Variants in TMCC1 observed in about 807,000 individuals in gnomAD.
The protein encoded by TMCC1 is transmembrane and coiled-coil domains protein 1.
In TMCC1, 15 loss-of-function variants were observed where a neutral mutation model predicts 52.4. The observed-to-expected ratio is 0.29, with a 90% CI of 0.19 to 0.44. The LOEUF (loss-of-function observed/expected upper bound fraction) is 0.44, where lower values mean the gene tolerates loss of function less well. TMCC1 is among the 20% of genes least tolerant of loss of function. TMCC1 has a pLI of 1.00. For missense variants in TMCC1, 503 were observed against 806.0 expected, an observed-to-expected ratio of 0.62 and a Z score of 4.55; for synonymous variants, 279 against 301.9, an observed-to-expected ratio of 0.92 and a Z score of 0.79.
At position 129,671,269 on chromosome 3, in the gene TMCC1, T is replaced by A; in HGVS notation, c.577-5A>T. On this transcript the variant is annotated splice_region_variant and splice_polypyrimidine_tract_variant and intron_variant, in intron 4 of 6. Coordinates refer to ENST00000393238, the MANE Select transcript of TMCC1 (RefSeq NM_001017395.5). The stretch of plus-strand genomic sequence containing the variant: ...GCTTACTTCCAACCGTTCGATCTAG[T>A]GTAAAAACAAGAGGTACATGTTAGA... The A allele has an allele frequency of 6.2e-7, 1 of 1,600,666 alleles. No homozygotes were observed.
chr3:129,670,544 C>T lies in TMCC1; in HGVS notation c.1297G>A (p.Ala433Thr), dbSNP rs1299232135. The change falls in exon 5 of 7, where the codon GCC (alanine) becomes ACC (threonine). Residue 433 changes from alanine to threonine, a missense_variant. Coordinates refer to ENST00000393238, the MANE Select transcript of TMCC1 (RefSeq NM_001017395.5). The stretch of plus-strand genomic sequence containing the variant: ...GCGATGCCCCCTGTGGTGCTGTTGG[C>T]TCCCACTGAGCCTGAAGTGGCACTA... ...CSSATSGSVG[A>T]NSTTGGIAVG... The T allele has an allele frequency of 6.2e-7, 1 of 1,614,176 alleles. No homozygotes were observed. Among genetic ancestry groups the T allele is most frequent in the Admixed American group, 1.7e-5 (1 of 60,022 alleles).
At chr3:129,681,371 G>A (rs1310437978) in intron 4 of TMCC1, among the ~76,000 whole-genome samples, 1 of 151,934 alleles carries the variant, frequency 6.6e-6, no homozygotes, top group Non-Finnish European at 1.5e-5. Context: ...AATACTCACG[G>A]TTTGAATTTA....
At chr3:129,851,100 G>A (rs1205361983) in intron 2 of TMCC1, among the ~76,000 whole-genome samples, 1 of 152,180 alleles carries the variant, frequency 6.6e-6, no homozygotes, top group Non-Finnish European at 1.5e-5. Context: ...AGATTTTGGG[G>A]GGCCTATTCC....
intron 4 of TMCC1, among the ~76,000 whole-genome samples, chr3:129,713,927 T>C (rs1423280559): frequency 1.3e-5 from 2 of 152,180 alleles, no homozygotes; most frequent in Non-Finnish European, 2.9e-5. Context: ...ATAGCTCTTG[T>C]GTGAGAATCA....
chr3:129,779,002 T>A (rs911555175), intron 4 of TMCC1, among the ~76,000 whole-genome samples: 1 of 152,130 alleles, frequency 6.6e-6, no homozygotes, highest in Non-Finnish European at 1.5e-5. Flanking sequence ...TTGTTTTTTT[T>A]TGTGGATCTT....
chr3:129,753,497 C>T (rs1236248976), intron 4 of TMCC1, among the ~76,000 whole-genome samples: 1 of 152,140 alleles, frequency 6.6e-6, no homozygotes, highest in Non-Finnish European at 1.5e-5. Flanking sequence ...ATAATTAATA[C>T]ATCACAACCA....
chr3:129,786,692 A>G (rs1363563514), intron 4 of TMCC1, among the ~76,000 whole-genome samples: 1 of 152,230 alleles, frequency 6.6e-6, no homozygotes, highest in East Asian at 1.9e-4. Context: ...CCCAGTTATG[A>G]TGAACTTTCC....
At chr3:129,833,641 C>T (rs2059025166) in intron 2 of TMCC1, among the ~76,000 whole-genome samples, 1 of 152,036 alleles carries the variant, frequency 6.6e-6, no homozygotes, top group Admixed American at 6.6e-5. Context: ...ACCTGTAATC[C>T]CAGCACTTTG....
intron 4 of TMCC1, among the ~76,000 whole-genome samples, chr3:129,718,636 G>A (rs6439195): frequency 0.87 from 131,871 of 152,220 alleles, 57,811 homozygotes; most frequent in East Asian, 1. Flanking sequence ...CTGCTGCTGC[G>A]GTTGCCTGCC....
chr3:129,784,781 T>C (rs559873247), intron 4 of TMCC1, among the ~76,000 whole-genome samples: 6 of 151,960 alleles, frequency 3.9e-5, no homozygotes, highest in South Asian at 2.1e-4. Flanking sequence ...CTGGGCAACA[T>C]AGTGAGATCC....
chr3:129,674,154 G>GCATT (rs1466889659), intron 4 of TMCC1, among the ~76,000 whole-genome samples: 1 of 152,180 alleles, frequency 6.6e-6, no homozygotes, highest in Admixed American at 6.5e-5. Flanking sequence ...CTCCCTAAAT[G>GCATT]CATTCCTCAG....
At chr3:129,781,812 C>T (rs1294409235) in intron 4 of TMCC1, among the ~76,000 whole-genome samples, 1 of 151,954 alleles carries the variant, frequency 6.6e-6, no homozygotes, top group Non-Finnish European at 1.5e-5. Context: ...ATGTGTTAAG[C>T]AAGAACGGAT....
chr3:129,701,913 A>C (rs1275689005), intron 4 of TMCC1, among the ~76,000 whole-genome samples: 1 of 152,210 alleles, frequency 6.6e-6, no homozygotes, highest in Non-Finnish European at 1.5e-5. Flanking sequence ...CTGGACAGGC[A>C]CACCAAAACT....
intron 4 of TMCC1, among the ~76,000 whole-genome samples, chr3:129,786,808 A>G (rs2056070469): frequency 6.6e-6 from 1 of 152,218 alleles, no homozygotes; most frequent in African/African-American, 2.4e-5. Flanking sequence ...TTCCATTTCA[A>G]GGAATGTCTG....
chr3:129,762,437 G>C (rs1395062284), intron 4 of TMCC1, among the ~76,000 whole-genome samples: 2 of 152,232 alleles, frequency 1.3e-5, no homozygotes, highest in Non-Finnish European at 2.9e-5. Context: ...CCCTGTACTT[G>C]ACTAGTCAGC....
At position 129,709,474 on chromosome 3, in the gene TMCC1, C is replaced by CAA. The variant is rs1160022823; in HGVS notation, c.577-38212_577-38211dup. 5.5e-3 allele frequency among the ~76,000 whole-genome samples: 113 copies of CAA among 20,530 alleles called. 3 individuals are homozygous for CAA. Among genetic ancestry groups the CAA allele is most frequent in the Non-Finnish European group, 8.8e-3 (98 of 11,146 alleles). 13.5% of individuals were successfully genotyped at this position (20,530 alleles called of 152,430 possible). A position where few individuals can be genotyped will look rare whatever the true frequency, so the allele number is the denominator to read the frequency against. On this transcript the variant is annotated intron_variant, in intron 4 of 6. Transcript: ENST00000393238. Reference sequence around the variant, plus strand: ...CTGAGCGACAGAGCGAGACTTGCCTCAAAAAAAAAAAAAAAAAAAAAAAAG... The same window carrying CAA: ...CTGAGCGACAGAGCGAGACTTGCCTCAAAAAAAAAAAAAAAAAAAAAAAAAAG...
intron 4 of TMCC1, among the ~76,000 whole-genome samples, chr3:129,705,316 A>C (rs1357208472): frequency 6.6e-6 from 1 of 152,290 alleles, no homozygotes; most frequent in Admixed American, 6.5e-5. Context: ...CATGGGTTCC[A>C]GCATCCTCCT....
intron 4 of TMCC1, among the ~76,000 whole-genome samples, chr3:129,742,525 C>T (rs187969243): frequency 6.6e-6 from 1 of 152,082 alleles, no homozygotes; most frequent in Non-Finnish European, 1.5e-5. Context: ...CTACTTCATA[C>T]CCACTAGGAT....
chr3:129,735,460 C>G (rs1032397262), intron 4 of TMCC1, among the ~76,000 whole-genome samples: 2 of 151,738 alleles, frequency 1.3e-5, no homozygotes, highest in African/African-American at 4.8e-5. Context: ...CTTGGCAACA[C>G]AGTGAGATCC....
Sources: gnomAD v4.1 joint callset for allele counts (sites outside exome capture counted in the v4.1 genomes callset) on GRCh38, gnomAD v4.1.1 for gene constraint, MANE v1.5 for transcripts, NCBI Gene and HGNC (gene_info 2026-07-23, HGNC 2026-07-21) for gene names.